PTPRE: variants seen among roughly 807,000 people sequenced by gnomAD.
The protein encoded by PTPRE is receptor-type tyrosine-protein phosphatase epsilon.
In PTPRE, 51 loss-of-function variants were observed where a neutral mutation model predicts 102.0. That is an observed-to-expected ratio of 0.50 (90% confidence interval 0.40 to 0.63). The LOEUF is 0.63. Ranked by LOEUF, PTPRE falls within the 30% of genes least tolerant of loss-of-function variation. The pLI is 0.00. For missense variants in PTPRE, 752 were observed against 915.1 expected (o/e 0.82, Z 2.30); for synonymous variants, 345 against 348.2 (o/e 0.99, Z 0.10).
At chr10:128,009,830 GACA>G (rs920169840) in intron 2 of PTPRE, among the ~76,000 whole-genome samples, 1 of 152,192 alleles carries the variant, frequency 6.6e-6, no homozygotes, top group African/African-American at 2.4e-5. Flanking sequence ...TTCATATGAA[GACA>G]ACAACATTTC....
Position 128,047,424 on chromosome 10 carries a change from G to T in PTPRE, c.144G>T (p.Leu48=), listed in dbSNP as rs1476155187. 15 of 1,613,070 alleles carry T rather than the reference G, an allele frequency of 9.3e-6. No homozygotes were observed. Among genetic ancestry groups the T allele is most frequent in the Non-Finnish European group, 1.3e-5 (15 of 1,179,988 alleles). ...PPDPGASQPL[L]AWLLLPLLLL... Reference sequence around the variant, plus strand: ...ACCCGGGCGCCTCCCAGCCGCTGCTGGCCTGGCTGCTACTGCCGCTGCTGC... The same window carrying T: ...ACCCGGGCGCCTCCCAGCCGCTGCTTGCCTGGCTGCTACTGCCGCTGCTGC... Residue 48 remains leucine, a synonymous_variant, in exon 4 of 21, where the codon CTG becomes CTT. Transcript: ENST00000254667.
chr10:127,970,373 T>A (rs1850634198), intron 1 of PTPRE, among the ~76,000 whole-genome samples: 1 of 152,118 alleles, frequency 6.6e-6, no homozygotes, highest in Non-Finnish European at 1.5e-5. Flanking sequence ...ATTTGCAGAA[T>A]TCGTTGGAAT....
At chr10:127,947,414 C>T (rs1225940929) in intron 1 of PTPRE, among the ~76,000 whole-genome samples, 2 of 152,198 alleles carry the variant, frequency 1.3e-5, no homozygotes, top group Admixed American at 6.5e-5. Context: ...TTGCCACACC[C>T]TGAGGCCCAT....
chr10:128,075,430 CT>C (rs1851141128), intron 17 of PTPRE, among the ~76,000 whole-genome samples: 2 of 152,206 alleles, frequency 1.3e-5, no homozygotes, highest in South Asian at 4.2e-4. Flanking sequence ...TCCTAATGCT[CT>C]CCCTCCCCTC....
At chr10:128,068,084 A>T in intron 11 of PTPRE, 39 bp from the exon 12 acceptor site, 2 of 1,583,730 alleles carry the variant, frequency 1.3e-6, no homozygotes, top group Non-Finnish European at 1.7e-6. Context: ...CAGGGGGAGG[A>T]TTGTTTCACC....
intron 1 of PTPRE, among the ~76,000 whole-genome samples, chr10:127,981,477 TCTCAATAAAA>T (rs1851608844): frequency 6.6e-6 from 1 of 151,716 alleles, no homozygotes; most frequent in African/African-American, 2.4e-5. Flanking sequence ...GAAAATTATG[TCTCAATAAAA>T]CTGTTTTTTT....
chr10:127,925,156 T>C (rs1159715040), intron 1 of PTPRE, among the ~76,000 whole-genome samples: 2 of 152,214 alleles, frequency 1.3e-5, no homozygotes, highest in Non-Finnish European at 2.9e-5. Context: ...ACAGGAGGCC[T>C]TCAGTCCTTG....
chr10:127,954,019 G>A (rs1387046290), intron 1 of PTPRE, among the ~76,000 whole-genome samples: 1 of 152,210 alleles, frequency 6.6e-6, no homozygotes, highest in East Asian at 1.9e-4. Context: ...GCTCTGAGCT[G>A]GCAAAGGAAG....
intron 1 of PTPRE, among the ~76,000 whole-genome samples, chr10:127,980,533 T>G (rs1851527530): frequency 6.6e-6 from 1 of 152,194 alleles, no homozygotes; most frequent in East Asian, 1.9e-4. Flanking sequence ...GGCTATGATT[T>G]CCAGGATAAT....
At chr10:127,982,048 A>C (rs1851672043) in intron 1 of PTPRE, among the ~76,000 whole-genome samples, 1 of 152,154 alleles carries the variant, frequency 6.6e-6, no homozygotes, top group South Asian at 2.1e-4. Flanking sequence ...CCCCACCATC[A>C]ACTGATCATT....
intron 1 of PTPRE, among the ~76,000 whole-genome samples, chr10:127,959,106 G>A (rs1849611192): frequency 6.6e-6 from 1 of 152,182 alleles, no homozygotes; most frequent in East Asian, 1.9e-4. Flanking sequence ...ATGTTGGTCA[G>A]GCTGGTCTCG....
At chr10:128,054,667 A>G (rs1191856705) in intron 6 of PTPRE, among the ~76,000 whole-genome samples, 3 of 151,656 alleles carry the variant, frequency 2.0e-5, no homozygotes, top group Non-Finnish European at 4.4e-5. Context: ...AAGCAGAGGA[A>G]AGAGGGCGGC....
chr10:128,040,818 G>A (rs535424361), intron 2 of PTPRE, 57 bp from the exon 3 acceptor site: 231 of 1,379,410 alleles, frequency 1.7e-4, no homozygotes, highest in Admixed American at 5.6e-4. Context: ...GCCTGGCACC[G>A]GAGGGTCCCA....
At chr10:128,051,726 A>T (rs1243702815) in intron 6 of PTPRE, among the ~76,000 whole-genome samples, 1 of 152,226 alleles carries the variant, frequency 6.6e-6, no homozygotes, top group Non-Finnish European at 1.5e-5. Flanking sequence ...CCTTGGCTGA[A>T]CATTGGAGTC....
At chr10:127,971,946 C>A (rs1405985449) in intron 1 of PTPRE, among the ~76,000 whole-genome samples, 1 of 152,208 alleles carries the variant, frequency 6.6e-6, no homozygotes, top group East Asian at 1.9e-4. Flanking sequence ...GAGCTTTTAC[C>A]TTTTCAGAGA....
In PTPRE at chr10:128,002,683, CTTTTTTTTTTTTTTTTTT is replaced by C. The variant is rs59007980; in HGVS notation, c.-8+20407_-8+20424del. On this transcript the variant is annotated intron_variant, in intron 2 of 20. Coordinates refer to ENST00000254667, the MANE Select transcript of PTPRE (RefSeq NM_006504.6). ...TTTGCAGTGTTTGGGAGTCACATAT[CTTTTTTTTTTTTTTTTTT>C]TTTTTTTTTTTTTTTTTTTGAGACA... 1.2e-3 allele frequency among the ~76,000 whole-genome samples: 50 copies of C among 41,202 alleles called. 1 individual carries two copies. The South Asian group carries it at 0.013, about 11-fold the overall frequency. 27.0% of individuals were successfully genotyped at this position (41,202 alleles called of 152,430 possible).
chr10:127,922,849 C>A (rs139773365), intron 1 of PTPRE, among the ~76,000 whole-genome samples: 1 of 152,234 alleles, frequency 6.6e-6, no homozygotes, highest in African/African-American at 2.4e-5. Context: ...CTTCCCTCCC[C>A]CTCTGCCCTC....
intron 1 of PTPRE, among the ~76,000 whole-genome samples, chr10:127,962,562 G>T (rs940057537): frequency 6.6e-6 from 1 of 152,148 alleles, no homozygotes; most frequent in Non-Finnish European, 1.5e-5. Flanking sequence ...TCTGCAGGGC[G>T]GGGTCAGGCC....
intron 2 of PTPRE, among the ~76,000 whole-genome samples, chr10:127,996,604 G>A (rs572548922): frequency 1.3e-5 from 2 of 152,196 alleles, no homozygotes; most frequent in Admixed American, 1.3e-4. Context: ...CATCCAGCTA[G>A]TATGCCTCCC....
Sources: allele counts gnomAD v4.1 joint callset (sites outside exome capture counted in the v4.1 genomes callset), GRCh38; gene constraint gnomAD v4.1.1; transcripts MANE v1.5; gene names NCBI Gene and HGNC (gene_info 2026-07-23, HGNC 2026-07-21).